Variants in SNX8 observed in about 807,000 individuals in gnomAD.
SNX8 encodes sorting nexin 8.
Under a neutral mutation model 51.6 loss-of-function variants are expected in SNX8, and 25 were observed. The ratio of observed to expected loss-of-function variants is 0.48; its 90% CI spans 0.35 to 0.68. The LOEUF (loss-of-function observed/expected upper bound fraction) is 0.68, where lower values mean the gene tolerates loss of function less well. Among genes scored for constraint, SNX8 ranks in the 30% least tolerant of loss-of-function variants. The pLI, the probability that SNX8 is intolerant of heterozygous loss-of-function variation, is 0.00. For synonymous variants in SNX8, 324 were observed against 277.0 expected (o/e 1.17, Z -1.68); for missense variants, 695 against 624.0 (o/e 1.11, Z -1.21).
rs775658407 is a variant in SNX8 at position 2,264,403 on chromosome 7, C to T, written c.677G>A (p.Arg226Gln). ...AQFAISRELI[R>Q]NIYNSFHKLR... ...CTTGTGAAAGCTATTGTAGATGTTCCGGATCAGCTCCCGGCTGATGGCAAA... is the reference window on the plus strand; with the variant it reads ...CTTGTGAAAGCTATTGTAGATGTTCTGGATCAGCTCCCGGCTGATGGCAAA... The change falls in exon 6 of 11, where the codon CGG (arginine) becomes CAG (glutamine). Residue 226 changes from arginine to glutamine, a missense_variant. Coordinates refer to ENST00000222990, the MANE Select transcript of SNX8 (RefSeq NM_013321.4). 5.0e-6 allele frequency: 8 copies of T among 1,612,626 alleles called. No homozygotes were observed. The highest frequency in any genetic ancestry group is 4.4e-5 in the South Asian group (4 of 91,088).
At chr7:2,333,899 G>A (rs1778781374) in intron 1 of SNX8, among the ~76,000 whole-genome samples, 1 of 151,920 alleles carries the variant, frequency 6.6e-6, no homozygotes. Context: ...CACTTTGGGA[G>A]GCCAAGGCGG....
At chr7:2,295,347 T>C (rs1163667826) in intron 1 of SNX8, among the ~76,000 whole-genome samples, 1 of 142,722 alleles carries the variant, frequency 7.0e-6, no homozygotes, top group Admixed American at 7.5e-5. Context: ...GAGGCTGCAG[T>C]GAGCCGAGTT....
chr7:2,274,580 G>A (rs1342730628), intron 3 of SNX8, among the ~76,000 whole-genome samples: 3 of 152,228 alleles, frequency 2.0e-5, no homozygotes, highest in African/African-American at 4.8e-5. Context: ...GCCATCTTCA[G>A]GCAGAGAGGT....
In SNX8 at chr7:2,254,736, C is replaced by T. The variant is rs367845916; in HGVS notation, c.*320G>A. On this transcript the variant is annotated 3_prime_UTR_variant, in exon 11 of 11. Coordinates refer to ENST00000222990, the MANE Select transcript of SNX8 (RefSeq NM_013321.4). ...CACCTGGAGGCCCTGCCTCCACGCT[C>T]CCCCAGGCACAATCTCTGTGAGATG... is the stretch of plus-strand genomic sequence containing the variant. The T allele has an allele frequency of 1.5e-5, 6 of 392,820 alleles. No homozygotes were observed. Among genetic ancestry groups the T allele is most frequent in the East Asian group, 5.7e-5 (1 of 17,544 alleles). The allele number at this position is 392,820 out of a possible 1,614,324, so 24.3% of individuals were successfully genotyped here. A position where few individuals can be genotyped will look rare whatever the true frequency, so the allele number is the denominator to read the frequency against.
intron 5 of SNX8, among the ~76,000 whole-genome samples, chr7:2,265,461 T>C (rs1373639895): frequency 6.6e-6 from 1 of 152,046 alleles, no homozygotes; most frequent in African/African-American, 2.4e-5. Context: ...CTGGGCAACA[T>C]AGTGAAACCC....
At chr7:2,281,414 G>C (rs1795902769) in intron 1 of SNX8, among the ~76,000 whole-genome samples, 1 of 150,740 alleles carries the variant, frequency 6.6e-6, no homozygotes, top group Non-Finnish European at 1.5e-5. Context: ...GTAAGACCCT[G>C]TCTATAAAAA....
At chr7:2,351,703 C>T (rs1209970646) in intron 1 of SNX8, among the ~76,000 whole-genome samples, 4 of 151,026 alleles carry the variant, frequency 2.6e-5, no homozygotes, top group Non-Finnish European at 5.9e-5. Flanking sequence ...TGGTGGCAGG[C>T]GCCTGTAGTC....
intron 1 of SNX8, among the ~76,000 whole-genome samples, chr7:2,347,247 C>T (rs572318039): frequency 3.3e-5 from 5 of 152,012 alleles, no homozygotes; most frequent in East Asian, 1.9e-4. Context: ...TTTGGGAGGC[C>T]GAGGCTGACG....
chr7:2,292,277 C>T (rs1318807062), intron 1 of SNX8, among the ~76,000 whole-genome samples: 2 of 151,870 alleles, frequency 1.3e-5, no homozygotes, highest in African/African-American at 4.8e-5. Flanking sequence ...AAAAATGAAG[C>T]CGGACCCCTC....
intron 1 of SNX8, among the ~76,000 whole-genome samples, chr7:2,341,078 G>A (rs1363523539): frequency 6.6e-6 from 1 of 150,766 alleles, no homozygotes; most frequent in Non-Finnish European, 1.5e-5. Context: ...ACTGAGGTGG[G>A]AGGATCACTG....
At chr7:2,268,191 G>A (rs1367628660) in intron 5 of SNX8, among the ~76,000 whole-genome samples, 2 of 142,394 alleles carry the variant, frequency 1.4e-5, no homozygotes, top group African/African-American at 5.5e-5. Flanking sequence ...CGCCCGGCCA[G>A]CCGCCCCATC....
chr7:2,313,044 C>A (rs1796689242), intron 1 of SNX8, among the ~76,000 whole-genome samples: 1 of 152,004 alleles, frequency 6.6e-6, no homozygotes, highest in Admixed American at 6.6e-5. Context: ...ACTACAGGCG[C>A]CCGCCACCGC....
intron 3 of SNX8, among the ~76,000 whole-genome samples, chr7:2,273,561 G>C (rs1795700035): frequency 6.7e-6 from 1 of 149,178 alleles, no homozygotes; most frequent in African/African-American, 2.5e-5. Context: ...ACTCCAGCCT[G>C]GGTGACACGG....
chr7:2,257,575 GC>G (rs1256651200), intron 8 of SNX8, 61 bp from the exon 9 acceptor site: 1 of 1,589,840 alleles, frequency 6.3e-7, no homozygotes, highest in East Asian at 2.2e-5. Context: ...GCCCTGCGGA[GC>G]CGGCCGAGGG....
intron 1 of SNX8, among the ~76,000 whole-genome samples, chr7:2,279,776 A>C (rs1358208521): frequency 1.3e-5 from 2 of 150,836 alleles, no homozygotes; most frequent in African/African-American, 5.0e-5. Context: ...AAAAAAAAAA[A>C]AAAACTCTTC....
intron 5 of SNX8, 73 bp downstream of exon 5, chr7:2,269,486 C>T (rs1399857800): frequency 1.8e-5 from 15 of 843,260 alleles, no homozygotes; most frequent in South Asian, 2.0e-5. Flanking sequence ...TCCCCCTCTG[C>T]GAGAAACACC....
intron 1 of SNX8, among the ~76,000 whole-genome samples, chr7:2,286,027 T>C (rs1796019931): frequency 6.7e-6 from 1 of 150,374 alleles, no homozygotes; most frequent in East Asian, 2.0e-4. Flanking sequence ...TTTTTTCTTT[T>C]TTGAGAGGGA....
rs1028019965 is a variant in SNX8, at chr7:2,253,306, T to G, written c.*1750A>C. On this transcript the variant is annotated 3_prime_UTR_variant, in exon 11 of 11. Transcript: ENST00000222990. ...ACAGAGGCCCCAGCACCTGATGCCC[T>G]CCACGACTCCCCACAGCCTCTATGG... The G allele has an allele frequency of 1.9e-5, 3 of 154,354 alleles. No homozygotes were observed. The highest frequency in any genetic ancestry group is 7.2e-5 in the African/African-American group (3 of 41,472). The allele number at this position is 154,354 out of a possible 1,614,324, so 9.6% of individuals were successfully genotyped here.
At chr7:2,301,993 A>T (rs1367762875) in intron 1 of SNX8, among the ~76,000 whole-genome samples, 1 of 152,108 alleles carries the variant, frequency 6.6e-6, no homozygotes, top group African/African-American at 2.4e-5. Context: ...CTGTAATCCC[A>T]GCACTTTGGG....
Sources: gnomAD v4.1 joint callset for allele counts (sites outside exome capture counted in the v4.1 genomes callset) on GRCh38, gnomAD v4.1.1 for gene constraint, MANE v1.5 for transcripts, NCBI Gene and HGNC (gene_info 2026-07-23, HGNC 2026-07-21) for gene names.